The following SLC25A21 variants were observed in gnomAD, a reference collection of about 807,000 sequenced individuals.
SLC25A21 encodes the protein solute carrier family 25 member 21, also known as mitochondrial 2-oxodicarboxylate carrier.
A neutral mutation model predicts 43.8 loss-of-function variants in SLC25A21; 47 were observed. The ratio of observed to expected loss-of-function variants is 1.07; its 90% confidence interval spans 0.85 to 1.37. SLC25A21 has a LOEUF of 1.37. Ranked by LOEUF, SLC25A21 falls within the 40% of genes most tolerant of loss-of-function variation. The probability of loss-of-function intolerance (pLI) is 0.00; values close to 1 mark genes in which losing one functional copy is unlikely to be tolerated. For synonymous variants in SLC25A21, 131 were observed against 121.3 expected, an observed-to-expected ratio of 1.08 and a Z score of -0.52; for missense variants, 352 against 350.2, an observed-to-expected ratio of 1.00 and a Z score of -0.04.
At chr14:36,916,199 T>G (rs1301169901) in intron 1 of SLC25A21, among the ~76,000 whole-genome samples, 1 of 152,204 alleles carries the variant, frequency 6.6e-6, no homozygotes, top group Non-Finnish European at 1.5e-5. Context: ...ATCTAAAGAT[T>G]TGGACTGTCG....
At chr14:37,139,597 A>G (rs1228400968) in intron 1 of SLC25A21, among the ~76,000 whole-genome samples, 1 of 152,116 alleles carries the variant, frequency 6.6e-6, no homozygotes, top group Non-Finnish European at 1.5e-5. Context: ...GAATAACACA[A>G]TTTTCTTCCT....
chr14:36,897,083 C>T (rs150814869), intron 1 of SLC25A21, among the ~76,000 whole-genome samples: 3 of 152,304 alleles, frequency 2.0e-5, no homozygotes, highest in East Asian at 3.8e-4. Context: ...AGAATGTTGG[C>T]CTGCCTTGCT....
rs185794340 is a variant in SLC25A21 at position 37,136,343 on chromosome 14, A to C, written c.70+35938T>G. On this transcript the variant is annotated intron_variant, in intron 1 of 9. Coordinates refer to ENST00000331299, the MANE Select transcript of SLC25A21 (RefSeq NM_030631.4). ...GAGTTTAAATAGCCTTTCATGCCTA[A>C]GTATGATTATGCACAGAGAAAGAAA... Among the ~76,000 whole-genome samples the C allele has an allele frequency of 1.1e-3, 173 of 152,358 alleles. 1 individual carries two copies. Among genetic ancestry groups the C allele is most frequent in the African/African-American group, 3.9e-3 (163 of 41,582 alleles).
At chr14:37,052,839 T>C (rs531045640) in intron 1 of SLC25A21, among the ~76,000 whole-genome samples, 3 of 152,266 alleles carry the variant, frequency 2.0e-5, no homozygotes, top group East Asian at 3.9e-4. Flanking sequence ...GGTTTCACCA[T>C]GTTGGCCAGA....
At chr14:36,856,643 G>A (rs1165552003) in intron 2 of SLC25A21, among the ~76,000 whole-genome samples, 1 of 152,212 alleles carries the variant, frequency 6.6e-6, no homozygotes, top group Non-Finnish European at 1.5e-5. Context: ...AGACACATGT[G>A]TGAGTGATGT....
intron 1 of SLC25A21, among the ~76,000 whole-genome samples, chr14:37,168,300 C>T (rs1964065624): frequency 6.6e-6 from 1 of 152,080 alleles, no homozygotes; most frequent in African/African-American, 2.4e-5. Flanking sequence ...TCACCTGAAT[C>T]TTTAAATTTA....
chr14:36,916,882 C>A (rs1243858573), intron 1 of SLC25A21, among the ~76,000 whole-genome samples: 6 of 152,094 alleles, frequency 3.9e-5, no homozygotes, highest in Non-Finnish European at 8.8e-5. Flanking sequence ...CACCCTAAAT[C>A]TGCTCCTCTG....
intron 1 of SLC25A21, among the ~76,000 whole-genome samples, chr14:36,976,775 T>C (rs1254938066): frequency 2.6e-5 from 4 of 152,202 alleles, no homozygotes. Context: ...GATTTGCACC[T>C]CAAGCATGCT....
At chr14:36,868,695 G>A (rs757702093) in intron 2 of SLC25A21, among the ~76,000 whole-genome samples, 8 of 152,096 alleles carry the variant, frequency 5.3e-5, no homozygotes, top group African/African-American at 7.2e-5. Flanking sequence ...CTTCAAAAAC[G>A]ACAGTATGTC....
At chr14:36,906,588 C>T (rs2138605720) in intron 1 of SLC25A21, among the ~76,000 whole-genome samples, 1 of 151,988 alleles carries the variant, frequency 6.6e-6, no homozygotes, top group South Asian at 2.1e-4. Flanking sequence ...TCACTACAAC[C>T]TCTGACTGCC....
intron 1 of SLC25A21, among the ~76,000 whole-genome samples, chr14:36,925,703 C>CTAT (rs1892111551): frequency 6.6e-6 from 1 of 151,976 alleles, no homozygotes. Flanking sequence ...AAAAATTAGC[C>CTAT]AGGCATGGTA....
intron 3 of SLC25A21, among the ~76,000 whole-genome samples, chr14:36,799,206 T>G (rs796618844): frequency 6.6e-6 from 1 of 152,092 alleles, no homozygotes; most frequent in Admixed American, 6.6e-5. Context: ...GCAAAAAGAT[T>G]AAACATTTAA....
chr14:37,020,583 T>G (rs926670983), intron 1 of SLC25A21, among the ~76,000 whole-genome samples: 2 of 152,014 alleles, frequency 1.3e-5, no homozygotes, highest in African/African-American at 4.8e-5. Context: ...TTGATTTTTT[T>G]CTTTAATACT....
chr14:37,091,759 T>C (rs950231167), intron 1 of SLC25A21, among the ~76,000 whole-genome samples: 1 of 152,158 alleles, frequency 6.6e-6, no homozygotes, highest in Non-Finnish European at 1.5e-5. Flanking sequence ...ATAATGAGCA[T>C]CAACTGTGTC....
At chr14:36,848,055 T>G (rs1236232737) in intron 2 of SLC25A21, among the ~76,000 whole-genome samples, 2 of 151,928 alleles carry the variant, frequency 1.3e-5, no homozygotes, top group African/African-American at 4.8e-5. Context: ...AACAGATGTG[T>G]GCAGTGAGGG....
intron 3 of SLC25A21, among the ~76,000 whole-genome samples, chr14:36,743,175 C>T (rs893489357): frequency 2.0e-5 from 3 of 151,802 alleles, no homozygotes; most frequent in African/African-American, 7.3e-5. Flanking sequence ...ATGGAAAACA[C>T]TAAGGAAAGA....
chr14:36,780,117 C>G (rs941145319), intron 3 of SLC25A21, among the ~76,000 whole-genome samples: 2 of 151,718 alleles, frequency 1.3e-5, no homozygotes, highest in Non-Finnish European at 1.5e-5. Context: ...TGTAGTTTAT[C>G]AATTTGTTGG....
At chr14:37,101,101 T>C (rs1962809205) in intron 1 of SLC25A21, among the ~76,000 whole-genome samples, 1 of 152,168 alleles carries the variant, frequency 6.6e-6, no homozygotes, top group Admixed American at 6.5e-5. Context: ...TATTGAAAAA[T>C]AATGTGTTAA....
chr14:37,056,372 C>T (rs978232268), intron 1 of SLC25A21, among the ~76,000 whole-genome samples: 1 of 151,882 alleles, frequency 6.6e-6, no homozygotes, highest in African/African-American at 2.4e-5. Flanking sequence ...CGCCTGTAGT[C>T]CCAGCTACTC....
Sources: gnomAD v4.1 joint callset for allele counts (sites outside exome capture counted in the v4.1 genomes callset) on GRCh38, gnomAD v4.1.1 for gene constraint, MANE v1.5 for transcripts, NCBI Gene and HGNC (gene_info 2026-07-23, HGNC 2026-07-21) for gene names.